Variants in PSMC6 observed in about 807,000 individuals in gnomAD.
PSMC6 encodes proteasome 26S subunit, ATPase 6.
A neutral mutation model predicts 55.9 loss-of-function variants in PSMC6; 3 were observed. The observed-to-expected ratio is 0.05, with a 90% CI of 0.02 to 0.14. The LOEUF (loss-of-function observed/expected upper bound fraction) is 0.14. Among genes scored for constraint, PSMC6 ranks in the 10% least tolerant of loss-of-function variants. The probability of loss-of-function intolerance (pLI) is 1.00; values close to 1 mark genes in which losing one functional copy is unlikely to be tolerated. For synonymous variants in PSMC6, 137 were observed against 155.9 expected, an observed-to-expected ratio of 0.88 and a Z score of 0.90; for missense variants, 210 against 478.7, an observed-to-expected ratio of 0.44 and a Z score of 5.24.
At chr14:52,722,772 T>C (rs1880252105) in intron 12 of PSMC6, 1 of 152,222 alleles carries the variant, frequency 6.6e-6, no homozygotes. Flanking sequence ...CAAAGTTTTG[T>C]TGTAACCCAA....
intron 10 of PSMC6, 23 bp downstream of exon 10, chr14:52,719,061 T>TA (rs762623793): frequency 1.9e-6 from 3 of 1,563,506 alleles, no homozygotes; most frequent in African/African-American, 2.7e-5. Flanking sequence ...AAAGGGGGTT[T>TA]ATAAAGAAAC....
chr14:52,714,717 T>C (rs969735780), intron 7 of PSMC6, among the ~76,000 whole-genome samples: 2 of 151,772 alleles, frequency 1.3e-5, no homozygotes, highest in Non-Finnish European at 2.9e-5. Context: ...AATACAAAAA[T>C]GAGCCAGGCG....
chr14:52,718,719 T>C (rs1306522994), intron 9 of PSMC6: 3 of 420,746 alleles, frequency 7.1e-6, no homozygotes, highest in African/African-American at 4.1e-5. Context: ...CCAGGAGACG[T>C]AGGTTGCAGT....
At chr14:52,726,873 C>T (rs1231045696) in intron 13 of PSMC6, among the ~76,000 whole-genome samples, 1 of 152,058 alleles carries the variant, frequency 6.6e-6, no homozygotes, top group Non-Finnish European at 1.5e-5. Flanking sequence ...AACTCCCGAC[C>T]CCAGGTAATC....
At chr14:52,714,566 A>G (rs556555183) in intron 7 of PSMC6, among the ~76,000 whole-genome samples, 1 of 152,258 alleles carries the variant, frequency 6.6e-6, no homozygotes, top group Non-Finnish European at 1.5e-5. Context: ...CTACTTTATA[A>G]TACTGAAATG....
chr14:52,711,664 A>G (rs1198254472), intron 6 of PSMC6, 140 bp downstream of exon 6: 7 of 439,434 alleles, frequency 1.6e-5, no homozygotes, highest in African/African-American at 4.1e-5. Flanking sequence ...TATTCTTGCT[A>G]AGAAGAATAG....
At chr14:52,727,018 A>T (rs1391736505) in intron 13 of PSMC6, among the ~76,000 whole-genome samples, 21 of 102,126 alleles carry the variant, frequency 2.1e-4, no homozygotes, top group East Asian at 5.8e-4. Flanking sequence ...ACCGCTATGG[A>T]TTTTTTTTTT....
intron 7 of PSMC6, among the ~76,000 whole-genome samples, chr14:52,717,078 G>A (rs1195938551): frequency 6.6e-6 from 1 of 152,138 alleles, no homozygotes; most frequent in East Asian, 1.9e-4. Flanking sequence ...GCATAGCATG[G>A]TGACTATAAT....
intron 13 of PSMC6, among the ~76,000 whole-genome samples, chr14:52,726,949 G>T (rs540381839): frequency 6.7e-6 from 1 of 149,338 alleles, no homozygotes. Flanking sequence ...GCCTTGAACC[G>T]GATGTTAAAT....
intron 1 of PSMC6, among the ~76,000 whole-genome samples, chr14:52,707,940 A>G (rs1018532928): frequency 1.3e-5 from 2 of 152,220 alleles, no homozygotes; most frequent in Non-Finnish European, 2.9e-5. Context: ...TTAGGGTAGA[A>G]TGTCAGAGAA....
In PSMC6 at chr14:52,720,367, C is replaced by CAAAAAAAAA. The variant is rs71444775; in HGVS notation, c.778-472_778-464dup. On this transcript the variant is annotated intron_variant, in intron 10 of 13. Transcript: ENST00000445930. Reference sequence around the variant, plus strand: ...TGGGTGACAGAGTGAAACTCTGTCTCAAAAAAAAAAAAAAAAAAAAAAAAA... The same window carrying CAAAAAAAAA: ...TGGGTGACAGAGTGAAACTCTGTCTCAAAAAAAAAAAAAAAAAAAAAAAAAAAAAAAAAA... Among the ~76,000 whole-genome samples, 216 of 41,478 alleles carry CAAAAAAAAA rather than the reference C, an allele frequency of 5.2e-3. 33 individuals carry two copies. The highest frequency in any genetic ancestry group is 0.018 in the African/African-American group (200 of 11,248). The allele number at this position is 41,478 out of a possible 152,430, so 27.2% of individuals were successfully genotyped here. A position where few individuals can be genotyped will look rare whatever the true frequency, so the allele number is the denominator to read the frequency against.
chr14:52,708,801 G>A lies in PSMC6; in HGVS notation c.243G>A (p.Val81=), dbSNP rs746962033. 3.1e-6 allele frequency: 5 copies of A among 1,613,020 alleles called. No homozygotes were observed. Among genetic ancestry groups the A allele is most frequent in the Non-Finnish European group, 4.2e-6 (5 of 1,179,496 alleles). ...VKATNGPRYV[V]GCRRQLDKSK... The stretch of plus-strand genomic sequence containing the variant: ...CTACCAATGGACCAAGATATGTTGT[G>A]GGTTGTCGTCGACAGGTAATACTTT... The change falls in exon 4 of 14, where the codon GTG becomes GTA. Residue 81 remains valine, a synonymous_variant. Coordinates refer to ENST00000445930, the MANE Select transcript of PSMC6 (RefSeq NM_002806.5).
At position 52,711,475 on chromosome 14, in the gene PSMC6, C is replaced by G. The variant is rs1231171751; in HGVS notation, c.392C>G (p.Ser131Cys). The G allele has an allele frequency of 3.7e-6, 6 of 1,613,232 alleles. 1 individual carries two copies. In the South Asian group the frequency reaches 4.4e-5, roughly 12 times the overall value. Residue 131 changes from serine (S) to cysteine (C), a missense_variant, in exon 6 of 14, where the codon TCT becomes TGT. Ser to Cys is a moderately radical substitution (Grantham distance 112). Around this residue, in one of 4 missense-constraint regions of PSMC6, gnomAD observed 101 missense variants for 250.4 expected, o/e 0.40. Coordinates refer to ENST00000445930, the MANE Select transcript of PSMC6 (RefSeq NM_002806.5). ...TCTCATGAGGACCCTGGGAATGTTT[C>G]TTATTCTGAGATTGGAGGGCTATCA... ...NMSHEDPGNVSYSEIGGLSEQ... is the reference protein window; with the variant it reads ...NMSHEDPGNVCYSEIGGLSEQ...
chr14:52,715,615 TTTTC>T (rs1477912264), intron 7 of PSMC6, among the ~76,000 whole-genome samples: 2 of 151,410 alleles, frequency 1.3e-5, no homozygotes, highest in African/African-American at 4.9e-5. Flanking sequence ...TTTTCTTTTC[TTTTC>T]TTTTTTTTTT....
chr14:52,723,948 G>T lies in PSMC6; in HGVS notation c.980-17G>T, dbSNP rs1283558631. The T allele has an allele frequency of 6.2e-7, 1 of 1,610,028 alleles. No individual in the cohort carries two copies. The highest frequency in any genetic ancestry group is 1.7e-5 in the Admixed American group (1 of 59,270). On this transcript the variant is annotated splice_polypyrimidine_tract_variant and intron_variant, in intron 12 of 13. Coordinates refer to ENST00000445930, the MANE Select transcript of PSMC6 (RefSeq NM_002806.5). ...GTCTAATTTTTAAAACTAATTTCCA[G>T]TATTTTTTCTAAACAGATTATGAAG...
rs529898449 is a variant in PSMC6 at position 52,725,794 on chromosome 14, C to T, written c.1052-1705C>T. 2.0e-5 allele frequency among the ~76,000 whole-genome samples: 3 copies of T among 152,334 alleles called. No individual in the cohort carries two copies. In the South Asian group the frequency reaches 6.2e-4, roughly 32 times the overall value. On this transcript the variant is annotated intron_variant, in intron 13 of 13. Transcript: ENST00000445930. ...CCTCCCAAAATGCTGGGATTACAGG[C>T]ACAAGCTACCAGGCCTGGCCAGGCA...
At chr14:52,714,949 G>A (rs1222176199) in intron 7 of PSMC6, among the ~76,000 whole-genome samples, 1 of 150,656 alleles carries the variant, frequency 6.6e-6, no homozygotes, top group Non-Finnish European at 1.5e-5. Context: ...GCCCCACAAT[G>A]ACACAAAACA....
At position 52,718,231 on chromosome 14, in the gene PSMC6, T is replaced by C. The variant is rs749868258; in HGVS notation, c.594T>C (p.Val198=). ...CTTACTGTTTTTCCTTTAATCAGGT[T>C]GTATCTAGTTCTATTGTAGACAAGT... is the stretch of plus-strand genomic sequence containing the variant. The part of the protein sequence containing the change: ...ASQLDCNFLK[V]VSSSIVDKYI... The change falls in exon 9 of 14, where the codon GTT becomes GTC. Residue 198 remains valine, a splice_region_variant and synonymous_variant. Transcript: ENST00000445930. 8.1e-6 allele frequency: 13 copies of C among 1,611,680 alleles called. No individual in the cohort carries two copies. The highest frequency in any genetic ancestry group is 1.3e-5 in the African/African-American group (1 of 74,872).
At position 52,707,617 on chromosome 14, in the gene PSMC6, G is replaced by A. The variant is rs2041717635; in HGVS notation, c.85+313G>A. The stretch of plus-strand genomic sequence containing the variant: ...GGGTGCAAGAAGGGCAGTCTTGGTG[G>A]AGTCCCGGGACTTGGAGAGGGGAAG... On this transcript the variant is annotated intron_variant, in intron 1 of 13. Coordinates refer to ENST00000445930, the MANE Select transcript of PSMC6 (RefSeq NM_002806.5). The A allele has an allele frequency of 1.4e-5, 4 of 292,988 alleles. No individual in the cohort carries two copies. The South Asian group carries it at 1.4e-4, about 10-fold the overall frequency. The allele number at this position is 292,988 out of a possible 1,614,324, so 18.1% of individuals were successfully genotyped here.
Sources: allele counts gnomAD v4.1 joint callset (sites outside exome capture counted in the v4.1 genomes callset), GRCh38; gene constraint gnomAD v4.1.1; regional missense constraint gnomAD v4.1.1; transcripts MANE v1.5; gene names NCBI Gene and HGNC (gene_info 2026-07-23, HGNC 2026-07-21).